The following SPON1 variants were observed in gnomAD, a reference collection of about 807,000 sequenced individuals.
The protein encoded by SPON1 is spondin 1.
SPON1 carries 52 observed loss-of-function variants against 111.7 expected under a neutral mutation model. The observed-to-expected ratio is 0.47, with a 90% CI of 0.37 to 0.59. The LOEUF is 0.59. SPON1 is among the 20% of genes least tolerant of loss of function. The probability of loss-of-function intolerance (pLI) is 0.00; values close to 1 mark genes in which losing one functional copy is unlikely to be tolerated. For missense variants in SPON1, 957 were observed against 1,068.5 expected, an observed-to-expected ratio of 0.90 and a Z score of 1.46; for synonymous variants, 410 against 395.8, an observed-to-expected ratio of 1.04 and a Z score of -0.43.
intron 6 of SPON1, among the ~76,000 whole-genome samples, chr11:14,165,441 T>C (rs1428965841): frequency 6.6e-6 from 1 of 152,200 alleles, no homozygotes; most frequent in Non-Finnish European, 1.5e-5. Flanking sequence ...TGCAATTGTC[T>C]GAGTGTACTC....
chr11:14,239,407 TA>T (rs1848899936), intron 6 of SPON1, among the ~76,000 whole-genome samples: 1 of 152,096 alleles, frequency 6.6e-6, no homozygotes, highest in Non-Finnish European at 1.5e-5. Context: ...ATGAGAAAAC[TA>T]AGAGAGGTCA....
intron 6 of SPON1, among the ~76,000 whole-genome samples, chr11:14,161,244 T>TAA (rs1847956536): frequency 1.8e-5 from 1 of 57,134 alleles, no homozygotes; most frequent in Non-Finnish European, 4.0e-5. Flanking sequence ...TATTTATATA[T>TAA]CTATATATTT....
At chr11:14,050,736 A>G (rs1554918443) in intron 3 of SPON1, among the ~76,000 whole-genome samples, 1 of 152,174 alleles carries the variant, frequency 6.6e-6, no homozygotes, top group Non-Finnish European at 1.5e-5. Flanking sequence ...GTTTGACCCC[A>G]GTTGGGGCCT....
intron 2 of SPON1, among the ~76,000 whole-genome samples, chr11:14,012,841 G>C (rs1848416356): frequency 6.6e-6 from 1 of 152,082 alleles, no homozygotes; most frequent in Admixed American, 6.6e-5. Context: ...GACAAAAATT[G>C]GCTCTCGGTA....
At chr11:14,217,596 A>G (rs1405399373) in intron 6 of SPON1, among the ~76,000 whole-genome samples, 1 of 152,170 alleles carries the variant, frequency 6.6e-6, no homozygotes, top group African/African-American at 2.4e-5. Flanking sequence ...TTAAAAAGAA[A>G]GAAAAAACAC....
chr11:14,168,610 G>C (rs190344269), intron 6 of SPON1, among the ~76,000 whole-genome samples: 1 of 151,676 alleles, frequency 6.6e-6, no homozygotes, highest in African/African-American at 2.4e-5. Context: ...CCATTAACTC[G>C]TCATTTAGCA....
chr11:14,202,098 A>C (rs1384814152), intron 6 of SPON1, among the ~76,000 whole-genome samples: 1 of 152,194 alleles, frequency 6.6e-6, no homozygotes, highest in Admixed American at 6.5e-5. Flanking sequence ...ATGTGGATTA[A>C]TATCCTAAAT....
rs10687722 is a variant in SPON1 at position 14,241,075 on chromosome 11, G to GCACACA, written c.826-2246_826-2241dup. Among the ~76,000 whole-genome samples, 71 of 150,634 alleles carry GCACACA rather than the reference G, an allele frequency of 4.7e-4. 1 individual carries two copies. In the Middle Eastern group the frequency reaches 0.01, roughly 22 times the overall value. The stretch of plus-strand genomic sequence containing the variant: ...GGTGGGAAAGCTAAATATAATGCCT[G>GCACACA]CACACACACACACACATCCTTACAT... On this transcript the variant is annotated intron_variant, in intron 6 of 15. Transcript: ENST00000576479.
At chr11:14,071,474 C>T (rs1848875520) in intron 3 of SPON1, among the ~76,000 whole-genome samples, 2 of 152,112 alleles carry the variant, frequency 1.3e-5, no homozygotes, top group Non-Finnish European at 2.9e-5. Flanking sequence ...TCCCAGCTTT[C>T]CAGAGTTACA....
In SPON1 at chr11:14,089,593, C is replaced by T. The variant is rs368512675; in HGVS notation, c.676+9572C>T. 1.8e-4 allele frequency among the ~76,000 whole-genome samples: 28 copies of T among 152,308 alleles called. No homozygotes were observed. The East Asian group carries it at 2.1e-3, about 12-fold the overall frequency. On this transcript the variant is annotated intron_variant, in intron 5 of 15. Transcript: ENST00000576479. Reference sequence around the variant, plus strand: ...CAACCCCTGCTGGGAGGTCTCTCCCCGTCAGGAAGCACGGAGGTCAGGGAC... The same window carrying T: ...CAACCCCTGCTGGGAGGTCTCTCCCTGTCAGGAAGCACGGAGGTCAGGGAC...
At chr11:14,063,877 G>A (rs1554920128) in intron 3 of SPON1, among the ~76,000 whole-genome samples, 1 of 152,174 alleles carries the variant, frequency 6.6e-6, no homozygotes, top group East Asian at 1.9e-4. Flanking sequence ...GCCTAGCTTG[G>A]TCAAAACACA....
rs1171895213 is a variant in SPON1, at chr11:14,041,592, G to A, written c.417G>A (p.Arg139=). 6 of 1,613,808 alleles carry A rather than the reference G, an allele frequency of 3.7e-6. No individual in the cohort carries two copies. Among genetic ancestry groups the A allele is most frequent in the East Asian group, 2.2e-5 (1 of 44,896 alleles). The part of the protein sequence containing the change: ...PVAVTESTPR[R]RTRIQVFWIA... The stretch of plus-strand genomic sequence containing the variant: ...CAGTCACTGAAAGCACTCCACGGAG[G>A]AGGACCCGGATCCAGGTGTTTTGGA... Residue 139 remains arginine, a synonymous_variant, in exon 3 of 16, where the codon AGG becomes AGA. Transcript: ENST00000576479.
chr11:14,003,740 G>T (rs1257875585), intron 2 of SPON1, among the ~76,000 whole-genome samples: 2 of 152,084 alleles, frequency 1.3e-5, no homozygotes, highest in African/African-American at 4.8e-5. Context: ...ATAGTAAAAT[G>T]GTTACTGCAG....
intron 5 of SPON1, among the ~76,000 whole-genome samples, chr11:14,095,335 A>G (rs1379839156): frequency 1.3e-5 from 2 of 152,180 alleles, no homozygotes; most frequent in Non-Finnish European, 2.9e-5. Flanking sequence ...CTAACTGCAG[A>G]AACAAAATTA....
chr11:14,180,346 G>A (rs891663981), intron 6 of SPON1, among the ~76,000 whole-genome samples: 4 of 152,130 alleles, frequency 2.6e-5, no homozygotes, highest in Admixed American at 1.3e-4. Flanking sequence ...TCATGCCTCC[G>A]TATTTCCTGC....
chr11:14,136,490 G>C (rs1554928106), intron 6 of SPON1, among the ~76,000 whole-genome samples: 1 of 152,148 alleles, frequency 6.6e-6, no homozygotes, highest in East Asian at 1.9e-4. Flanking sequence ...AAAACACCAG[G>C]GACCCCATCT....
intron 6 of SPON1, among the ~76,000 whole-genome samples, chr11:14,148,045 G>A (rs192286766): frequency 2.0e-4 from 31 of 151,782 alleles, no homozygotes; most frequent in East Asian, 3.9e-4. Flanking sequence ...ACTGGAGAGC[G>A]CTTTCTTCTG....
intron 5 of SPON1, among the ~76,000 whole-genome samples, chr11:14,116,738 T>A (rs1849269827): frequency 6.6e-6 from 1 of 151,942 alleles, no homozygotes; most frequent in African/African-American, 2.4e-5. Context: ...AGAATCATGA[T>A]CGATTTATAT....
intron 3 of SPON1, among the ~76,000 whole-genome samples, chr11:14,074,626 C>A (rs1848902814): frequency 6.6e-6 from 1 of 152,208 alleles, no homozygotes; most frequent in Admixed American, 6.5e-5. Context: ...GTTTCAGTAT[C>A]CAACCCCTTC....
Sources: allele counts gnomAD v4.1 joint callset (sites outside exome capture counted in the v4.1 genomes callset), GRCh38; gene constraint gnomAD v4.1.1; transcripts MANE v1.5; gene names NCBI Gene and HGNC (gene_info 2026-07-23, HGNC 2026-07-21).